The following C19orf18 variants were observed in gnomAD, a reference collection of about 807,000 sequenced individuals.
C19orf18 encodes the protein uncharacterized protein C19orf18.
Under a neutral mutation model 23.3 loss-of-function variants are expected in C19orf18, and 21 were observed. That is an observed-to-expected ratio of 0.90 (90% confidence interval 0.64 to 1.30). The LOEUF is 1.30. Ranked by LOEUF, C19orf18 falls within the 50% of genes most tolerant of loss-of-function variation. C19orf18 has a pLI of 0.00. For missense variants in C19orf18, 249 were observed against 259.6 expected, an observed-to-expected ratio of 0.96 and a Z score of 0.28; for synonymous variants, 96 against 95.2, an observed-to-expected ratio of 1.01 and a Z score of -0.05.
chr19:57,964,067 G>GT (rs1007899724), intron 4 of C19orf18, among the ~76,000 whole-genome samples: 2 of 151,534 alleles, frequency 1.3e-5, no homozygotes, highest in African/African-American at 2.4e-5. Flanking sequence ...AGGTGGTTTT[G>GT]TTTTTTTTGT....
intron 3 of C19orf18, among the ~76,000 whole-genome samples, chr19:57,970,774 G>A (rs888142562): frequency 6.6e-6 from 1 of 151,968 alleles, no homozygotes; most frequent in African/African-American, 2.4e-5. Context: ...TGTCCAGGCT[G>A]GTCTCAAACT....
intron 4 of C19orf18, among the ~76,000 whole-genome samples, chr19:57,962,545 G>C (rs2072880711): frequency 6.6e-6 from 1 of 152,026 alleles, no homozygotes. Context: ...AGTACTGTGT[G>C]AATTATATAT....
chr19:57,971,806 C>T (rs868137987), intron 3 of C19orf18, among the ~76,000 whole-genome samples: 1 of 152,142 alleles, frequency 6.6e-6, no homozygotes, highest in Middle Eastern at 3.2e-3. Context: ...TTCCTGGCTC[C>T]CTTTGCCTTC....
At chr19:57,973,428 C>A (rs905051132) in intron 2 of C19orf18, among the ~76,000 whole-genome samples, 8 of 151,508 alleles carry the variant, frequency 5.3e-5, no homozygotes, top group Non-Finnish European at 1.2e-4. Context: ...ATAGAAAATG[C>A]TTATAAAGAA....
chr19:57,966,014 GTCAC>G (rs2072904991), intron 4 of C19orf18, among the ~76,000 whole-genome samples: 1 of 145,238 alleles, frequency 6.9e-6, no homozygotes, highest in South Asian at 2.2e-4. Context: ...GTCTCACTCT[GTCAC>G]TCAGGCTGGA....
Position 57,974,428 on chromosome 19 carries a change from T to C in C19orf18, c.5A>G (p.Asp2Gly), listed in dbSNP as rs1230768471. 2.5e-6 allele frequency: 4 copies of C among 1,613,752 alleles called. No homozygotes were observed. The African/African-American group carries it at 4.0e-5, about 16-fold the overall frequency. The change falls in exon 1 of 6, where the codon GAC (aspartate) becomes GGC (glycine). Residue 2 changes from aspartate (D) to glycine (G), a missense_variant. Coordinates refer to ENST00000314391, the MANE Select transcript of C19orf18 (RefSeq NM_152474.5). MDKVQSGFLILF... is the reference protein window; with the variant it reads MGKVQSGFLILF... ...AATGAGGAAACCACTCTGAACCTTGTCCATCACTCTCAAATTATCAGTATT... is the reference window on the plus strand; with the variant it reads ...AATGAGGAAACCACTCTGAACCTTGCCCATCACTCTCAAATTATCAGTATT...
At chr19:57,967,535 G>T (rs928750434) in intron 3 of C19orf18, among the ~76,000 whole-genome samples, 1 of 151,678 alleles carries the variant, frequency 6.6e-6, no homozygotes, top group Non-Finnish European at 1.5e-5. Flanking sequence ...GGCAGATCAC[G>T]TGAGCTCAGG....
At position 57,961,569 on chromosome 19, in the gene C19orf18, T is replaced by C; in HGVS notation, c.372-18A>G. 6.3e-7 allele frequency: 1 copy of C among 1,593,634 alleles called. No individual in the cohort carries two copies. The highest frequency in any genetic ancestry group is 8.5e-7 in the Non-Finnish European group (1 of 1,174,466). On this transcript the variant is annotated intron_variant, in intron 4 of 5. Transcript: ENST00000314391. ...CCAGTCGACTGGAGAATGATATAAA[T>C]GAATTTAGAAGCACAGTTTTCATGA... is the stretch of plus-strand genomic sequence containing the variant.
At chr19:57,961,263 GAAGAAAGAAAGAAAGGA>G in intron 5 of C19orf18, 111 bp downstream of exon 5, 11 of 1,048,998 alleles carry the variant, frequency 1.0e-5, no homozygotes, top group South Asian at 7.0e-5. Flanking sequence ...AGAAAGGAAG[GAAGAAAGAAAGAAAGGA>G]AAGAAAGAAA....
intron 4 of C19orf18, 116 bp from the exon 5 acceptor site, chr19:57,961,667 A>G (rs2072873019): frequency 6.1e-6 from 7 of 1,150,620 alleles, no homozygotes; most frequent in Non-Finnish European, 8.6e-6. Flanking sequence ...TGCAGACATA[A>G]GACTTTGAAA....
At chr19:57,961,922 C>T (rs1247100121) in intron 4 of C19orf18, among the ~76,000 whole-genome samples, 6 of 149,320 alleles carry the variant, frequency 4.0e-5, no homozygotes. Flanking sequence ...CTTCTTTCCT[C>T]TCTTTCCTTC....
chr19:57,961,097 T>C (rs1285310469), intron 5 of C19orf18, among the ~76,000 whole-genome samples: 1 of 151,756 alleles, frequency 6.6e-6, no homozygotes, highest in Admixed American at 6.6e-5. Context: ...TAGCCGGGCA[T>C]GGTGGCGGGC....
At chr19:57,969,125 G>A (rs946491735) in intron 3 of C19orf18, among the ~76,000 whole-genome samples, 6 of 152,168 alleles carry the variant, frequency 3.9e-5, no homozygotes, top group Admixed American at 3.9e-4. Context: ...GTACCCGTGT[G>A]TGGTGGGCCA....
At chr19:57,971,347 C>A (rs2072943338) in intron 3 of C19orf18, among the ~76,000 whole-genome samples, 1 of 152,044 alleles carries the variant, frequency 6.6e-6, no homozygotes, top group African/African-American at 2.4e-5. Context: ...CCATCCCCTG[C>A]CCCCAACCAC....
chr19:57,970,337 G>T (rs960441723), intron 3 of C19orf18, among the ~76,000 whole-genome samples: 1 of 152,066 alleles, frequency 6.6e-6, no homozygotes, highest in Non-Finnish European at 1.5e-5. Flanking sequence ...TTATGCACTC[G>T]TCTCATATGG....
At chr19:57,969,617 A>C (rs2072932525) in intron 3 of C19orf18, among the ~76,000 whole-genome samples, 1 of 146,590 alleles carries the variant, frequency 6.8e-6, no homozygotes, top group African/African-American at 2.5e-5. Context: ...AAACAAAGTA[A>C]GCACCTTGGC....
intron 3 of C19orf18, 48 bp downstream of exon 3, chr19:57,972,415 T>A (rs1351715192): frequency 6.2e-7 from 1 of 1,603,846 alleles, no homozygotes; most frequent in Admixed American, 1.7e-5. Flanking sequence ...TCACGACAGC[T>A]TCAGGAATGT....
Position 57,964,366 on chromosome 19 carries a change from C to T in C19orf18, c.371+2164G>A, listed in dbSNP as rs532850804. ...GTGCAATCTCAGCTCACTACAACTT[C>T]CACCTCCAGGGCTCAAGCCATCCTC... On this transcript the variant is annotated intron_variant, in intron 4 of 5. Coordinates refer to ENST00000314391, the MANE Select transcript of C19orf18 (RefSeq NM_152474.5). 9.8e-5 allele frequency among the ~76,000 whole-genome samples: 15 copies of T among 152,356 alleles called. No homozygotes were observed. The South Asian group carries it at 3.1e-3, about 32-fold the overall frequency.
intron 5 of C19orf18, among the ~76,000 whole-genome samples, chr19:57,959,819 G>GA (rs1164275719): frequency 1.5e-5 from 2 of 132,346 alleles, no homozygotes; most frequent in African/African-American, 2.8e-5. Context: ...AAAGAAAAAA[G>GA]AAAAAAAAGG....
Sources: allele counts gnomAD v4.1 joint callset (sites outside exome capture counted in the v4.1 genomes callset), GRCh38; gene constraint gnomAD v4.1.1; transcripts MANE v1.5; gene names NCBI Gene and HGNC (gene_info 2026-07-23, HGNC 2026-07-21).